NELL2: variants seen among roughly 807,000 people sequenced by gnomAD.
NELL2 encodes neural EGFL like 2, also known as protein kinase C-binding protein NELL2.
A neutral mutation model predicts 109.6 loss-of-function variants in NELL2; 41 were observed. The observed-to-expected ratio is 0.37, with a 90% confidence interval of 0.29 to 0.49. The LOEUF (loss-of-function observed/expected upper bound fraction) is 0.49, where lower values mean the gene tolerates loss of function less well. NELL2 is among the 20% of genes least tolerant of loss of function. NELL2 has a pLI of 0.98. For synonymous variants in NELL2, 355 were observed against 344.7 expected, an observed-to-expected ratio of 1.03 and a Z score of -0.33; for missense variants, 900 against 1,008.3, an observed-to-expected ratio of 0.89 and a Z score of 1.45.
intron 19 of NELL2, among the ~76,000 whole-genome samples, chr12:44,516,177 T>C (rs1243460799): frequency 2.0e-5 from 3 of 152,022 alleles, no homozygotes; most frequent in Non-Finnish European, 4.4e-5. Flanking sequence ...TATATAAGTA[T>C]AACACATCAT....
In NELL2 at chr12:44,532,567, C is replaced by T. The variant is rs1269212718; in HGVS notation, c.1804+14G>A. ...GAGAAGTTCTTAAATTCTAGGTCTT[C>T]TCCTTGTACTGACCTTCACACGATT... On this transcript the variant is annotated intron_variant, in intron 16 of 19. Transcript: ENST00000429094. 2 of 1,606,630 alleles carry T rather than the reference C, an allele frequency of 1.2e-6. No individual in the cohort carries two copies. Among genetic ancestry groups the T allele is most frequent in the South Asian group, 2.2e-5 (2 of 89,312 alleles).
intron 16 of NELL2, among the ~76,000 whole-genome samples, chr12:44,529,127 T>C (rs1592073324): frequency 1.3e-5 from 2 of 152,016 alleles, no homozygotes; most frequent in African/African-American, 2.4e-5. Context: ...GGTGTGGAAG[T>C]AGGAAGACCA....
At chr12:44,729,221 T>A (rs1482306960) in intron 9 of NELL2, among the ~76,000 whole-genome samples, 1 of 152,076 alleles carries the variant, frequency 6.6e-6, no homozygotes, top group African/African-American at 2.4e-5. Context: ...ACATCAATGA[T>A]AAATAGTGTA....
intron 12 of NELL2, among the ~76,000 whole-genome samples, chr12:44,699,227 A>AGATG (rs1448731683): frequency 6.6e-6 from 1 of 152,178 alleles, no homozygotes; most frequent in African/African-American, 2.4e-5. Flanking sequence ...ATAGGAGGTG[A>AGATG]GATGGATGGA....
At chr12:44,561,525 A>C (rs1266639478) in intron 15 of NELL2, among the ~76,000 whole-genome samples, 1 of 152,204 alleles carries the variant, frequency 6.6e-6, no homozygotes. Flanking sequence ...AAGCATTCCT[A>C]TACACTAATA....
intron 2 of NELL2, among the ~76,000 whole-genome samples, chr12:44,869,100 G>A (rs1043769591): frequency 6.6e-6 from 1 of 152,126 alleles, no homozygotes; most frequent in Non-Finnish European, 1.5e-5. Context: ...GTATGAGAAA[G>A]GCGCTGCATA....
chr12:44,802,496 T>C (rs982703588), intron 3 of NELL2, among the ~76,000 whole-genome samples: 1 of 152,052 alleles, frequency 6.6e-6, no homozygotes, highest in Admixed American at 6.6e-5. Flanking sequence ...ATCAGTTCAA[T>C]ACGTGCAATA....
chr12:44,812,363 T>G (rs1212012551), intron 3 of NELL2, among the ~76,000 whole-genome samples: 2 of 152,084 alleles, frequency 1.3e-5, no homozygotes, highest in African/African-American at 4.8e-5. Flanking sequence ...TACCATAAAG[T>G]CCCCTGAACT....
chr12:44,849,184 T>C (rs149831650), intron 2 of NELL2, among the ~76,000 whole-genome samples: 43 of 152,176 alleles, frequency 2.8e-4, no homozygotes, highest in African/African-American at 9.9e-4. Flanking sequence ...CAAAAAATAA[T>C]GATAACTTGA....
chr12:44,894,902 T>A (rs1945575808), intron 1 of NELL2, among the ~76,000 whole-genome samples: 3 of 152,226 alleles, frequency 2.0e-5, no homozygotes. Flanking sequence ...TAAAACTGAT[T>A]TCTTATCTTG....
At chr12:44,699,103 A>C (rs1352694641) in intron 12 of NELL2, among the ~76,000 whole-genome samples, 5 of 152,164 alleles carry the variant, frequency 3.3e-5, no homozygotes, top group African/African-American at 7.2e-5. Context: ...TGTAGCAAAA[A>C]ACCAGTCTGA....
intron 13 of NELL2, among the ~76,000 whole-genome samples, chr12:44,643,554 G>A (rs1946939164): frequency 6.6e-6 from 1 of 152,082 alleles, no homozygotes; most frequent in Non-Finnish European, 1.5e-5. Context: ...GATACTGGGG[G>A]ATTTTAATTT....
intron 9 of NELL2, among the ~76,000 whole-genome samples, chr12:44,715,452 A>G (rs569871000): frequency 6.6e-6 from 1 of 151,986 alleles, no homozygotes; most frequent in South Asian, 2.1e-4. Context: ...TCACACAAAC[A>G]TTTAGCCAAC....
intron 11 of NELL2, among the ~76,000 whole-genome samples, chr12:44,707,674 C>T (rs897430803): frequency 2.6e-5 from 4 of 152,096 alleles, no homozygotes; most frequent in Admixed American, 2.0e-4. Context: ...CTAATACCAA[C>T]GGATTTCTTT....
chr12:44,689,369 G>GA (rs1278620686), intron 12 of NELL2, among the ~76,000 whole-genome samples: 1 of 152,028 alleles, frequency 6.6e-6, no homozygotes, highest in Admixed American at 6.5e-5. Context: ...ACTCAAAAAT[G>GA]AAAAAATAAA....
At chr12:44,514,309 C>T (rs886895818) in intron 19 of NELL2, among the ~76,000 whole-genome samples, 9 of 151,624 alleles carry the variant, frequency 5.9e-5, no homozygotes, top group African/African-American at 2.2e-4. Context: ...ATGGAGACTC[C>T]AATATGTAAG....
intron 15 of NELL2, among the ~76,000 whole-genome samples, chr12:44,574,435 T>C (rs1036125228): frequency 2.0e-5 from 3 of 152,202 alleles, no homozygotes; most frequent in Non-Finnish European, 2.9e-5. Context: ...TTATTAATAT[T>C]GTCTTAAATT....
intron 2 of NELL2, among the ~76,000 whole-genome samples, chr12:44,853,854 C>T (rs182556050): frequency 6.6e-6 from 1 of 152,218 alleles, no homozygotes; most frequent in Admixed American, 6.5e-5. Flanking sequence ...AGGACATGTC[C>T]TCCTCCAAAC....
intron 2 of NELL2, among the ~76,000 whole-genome samples, chr12:44,843,922 T>A (rs1944298748): frequency 6.6e-6 from 1 of 152,102 alleles, no homozygotes; most frequent in Non-Finnish European, 1.5e-5. Flanking sequence ...CTTGGGAGGC[T>A]GAGGTGAGAG....
Sources: allele counts gnomAD v4.1 joint callset (sites outside exome capture counted in the v4.1 genomes callset), GRCh38; gene constraint gnomAD v4.1.1; transcripts MANE v1.5; gene names NCBI Gene and HGNC (gene_info 2026-07-23, HGNC 2026-07-21).